The following VPS53 variants were observed in gnomAD, a reference collection of about 807,000 sequenced individuals.
The protein encoded by VPS53 is VPS53 subunit of GARP complex, also known as vacuolar protein sorting-associated protein 53 homolog.
Under a neutral mutation model 107.0 loss-of-function variants are expected in VPS53, and 70 were observed. That is an observed-to-expected ratio of 0.65 (90% CI 0.54 to 0.80). VPS53 has a LOEUF of 0.80. Among genes scored for constraint, VPS53 ranks in the 30% least tolerant of loss-of-function variants. The probability of loss-of-function intolerance (pLI) is 0.00; values close to 1 mark genes in which losing one functional copy is unlikely to be tolerated. For missense variants in VPS53, 917 were observed against 1,049.4 expected, an observed-to-expected ratio of 0.87 and a Z score of 1.74; for synonymous variants, 409 against 393.3, an observed-to-expected ratio of 1.04 and a Z score of -0.47.
chr17:557,199 C>T (rs892549883), intron 15 of VPS53, among the ~76,000 whole-genome samples: 1 of 152,192 alleles, frequency 6.6e-6, no homozygotes, highest in Admixed American at 6.5e-5. Flanking sequence ...TCTCTTCTAG[C>T]TTTGGGTGTT....
chr17:570,372 CAAAAA>C (rs57449097), intron 13 of VPS53, among the ~76,000 whole-genome samples: 11 of 90,448 alleles, frequency 1.2e-4, no homozygotes, highest in South Asian at 4.2e-4. Context: ...GACTCTGTCT[CAAAAA>C]AAAAAAAAAA....
At chr17:552,247 C>G (rs562097666) in intron 16 of VPS53, among the ~76,000 whole-genome samples, 2 of 152,202 alleles carry the variant, frequency 1.3e-5, no homozygotes, top group South Asian at 4.2e-4. Context: ...TAAGTCAGAA[C>G]TGAAGAAAAT....
chr17:560,365 G>A (rs542198038), intron 15 of VPS53, 61 bp downstream of exon 15: 4 of 1,548,222 alleles, frequency 2.6e-6, no homozygotes, highest in Non-Finnish European at 3.5e-6. Flanking sequence ...TACTCGCCGA[G>A]CGACGCAGCC....
chr17:601,874 G>A lies in VPS53; in HGVS notation c.1139C>T (p.Pro380Leu). 8.2e-6 allele frequency: 13 copies of A among 1,592,404 alleles called. No homozygotes were observed. Among genetic ancestry groups the A allele is most frequent in the Non-Finnish European group, 1.1e-5 (13 of 1,168,758 alleles). The stretch of plus-strand genomic sequence containing the variant: ...ATCTTCCAGGAAGGGATTGGTAGAT[G>A]GGGGTGGAGACTCAAGCTTTTTCTG... The part of the protein sequence containing the change: ...GTLKKLESPP[P>L]STNPFLEDEP... Residue 380 changes from proline (P) to leucine (L), a missense_variant, in exon 12 of 22, where the codon CCA becomes CTA. Pro to Leu is a moderately conservative substitution (Grantham distance 98). Coordinates refer to ENST00000437048, the MANE Select transcript of VPS53 (RefSeq NM_001128159.3).
intron 4 of VPS53, among the ~76,000 whole-genome samples, chr17:664,695 G>T (rs1198755867): frequency 5.3e-5 from 8 of 152,186 alleles, no homozygotes; most frequent in African/African-American, 1.9e-4. Flanking sequence ...GGGAAAGCGG[G>T]AGTGAAAGCT....
At chr17:553,760 G>C (rs561290549) in intron 15 of VPS53, among the ~76,000 whole-genome samples, 12 of 152,010 alleles carry the variant, frequency 7.9e-5, no homozygotes, top group African/African-American at 2.4e-4. Context: ...AGTAGAGATG[G>C]GGTTTCACCA....
chr17:531,773 CTTTTTTTTTT>C (rs71145747), intron 19 of VPS53, among the ~76,000 whole-genome samples: 6 of 86,686 alleles, frequency 6.9e-5, no homozygotes, highest in African/African-American at 1.0e-4. Context: ...GGGATTTATT[CTTTTTTTTTT>C]TTTTTTTTTT....
intron 4 of VPS53, among the ~76,000 whole-genome samples, chr17:678,285 G>A (rs1184910529): frequency 6.6e-6 from 1 of 151,614 alleles, no homozygotes; most frequent in East Asian, 2.0e-4. Context: ...AGCTGGACAT[G>A]GTGGCGGGCA....
chr17:709,110 C>T (rs1175570778), intron 2 of VPS53, among the ~76,000 whole-genome samples: 3 of 152,178 alleles, frequency 2.0e-5, no homozygotes, highest in African/African-American at 7.2e-5. Context: ...CAGAGAACTT[C>T]CCGTTAAGCC....
At chr17:689,386 C>T (rs749402357) in intron 4 of VPS53, among the ~76,000 whole-genome samples, 25 of 151,858 alleles carry the variant, frequency 1.6e-4, no homozygotes, top group Non-Finnish European at 1.8e-4. Context: ...TAACCTCAAA[C>T]CCCTGGGCTC....
intron 4 of VPS53, among the ~76,000 whole-genome samples, chr17:672,129 C>CACAA (rs2143707621): frequency 6.7e-6 from 1 of 148,510 alleles, no homozygotes; most frequent in East Asian, 2.0e-4. Flanking sequence ...CACACACACA[C>CACAA]ACACACACAC....
chr17:692,428 G>C (rs1015174318), intron 4 of VPS53, among the ~76,000 whole-genome samples: 4 of 152,138 alleles, frequency 2.6e-5, no homozygotes, highest in Non-Finnish European at 2.9e-5. Context: ...GGTTAGAAGA[G>C]GTCACAGACT....
chr17:591,678 G>A (rs1281271858), intron 12 of VPS53, among the ~76,000 whole-genome samples: 5 of 152,242 alleles, frequency 3.3e-5, no homozygotes, highest in Admixed American at 6.5e-5. Flanking sequence ...TTTCCATGTA[G>A]TTGAGCGGTT....
Position 519,073 on chromosome 17 carries a change from CTG to C in VPS53, c.*53_*54del. The C allele has an allele frequency of 2.1e-6, 3 of 1,452,002 alleles. No individual in the cohort carries two copies. The highest frequency in any genetic ancestry group is 5.6e-5 in the Admixed American group (2 of 35,656). The allele number at this position is 1,452,002 out of a possible 1,614,324, so 89.9% of individuals were successfully genotyped here. On this transcript the variant is annotated 3_prime_UTR_variant, in exon 22 of 22. Transcript: ENST00000437048. This position sits in a 1 kb window ranked among gnomAD's most constrained non-coding sequence, Gnocchi z 5.0. ...GGAGCACAGGAGAGGTTGGGGGCTT[CTG>C]GGGAACGGGCGCTGAGGGTCTCCAG...
intron 17 of VPS53, among the ~76,000 whole-genome samples, chr17:549,364 T>TAA (rs1359643254): frequency 6.6e-6 from 1 of 152,148 alleles, no homozygotes; most frequent in Non-Finnish European, 1.5e-5. Context: ...AGACAAAAAG[T>TAA]AATGGCCTCC....
chr17:678,466 AT>A (rs1344380997), intron 4 of VPS53, among the ~76,000 whole-genome samples: 1 of 151,454 alleles, frequency 6.6e-6, no homozygotes, highest in Admixed American at 6.6e-5. Flanking sequence ...AACAATAAAA[AT>A]TCTTTTTTAT....
chr17:666,096 G>A (rs1242010922), intron 4 of VPS53, among the ~76,000 whole-genome samples: 2 of 152,116 alleles, frequency 1.3e-5, no homozygotes, highest in Non-Finnish European at 2.9e-5. Context: ...GATAGGTTGG[G>A]ATTTAAATTC....
chr17:628,168 T>C lies in VPS53; in HGVS notation c.751A>G (p.Arg251Gly). 6.2e-7 allele frequency: 1 copy of C among 1,614,090 alleles called. No individual in the cohort carries two copies. The highest frequency in any genetic ancestry group is 8.5e-7 in the Non-Finnish European group (1 of 1,179,990). The change falls in exon 9 of 22, where the codon AGG (arginine) becomes GGG (glycine). Residue 251 changes from arginine to glycine, a missense_variant. Physicochemically the swap from Arg to Gly is moderately radical, Grantham distance 125. Transcript: ENST00000437048. ...ACLVANILDPRIKQEIIKKFI... is the reference protein window; with the variant it reads ...ACLVANILDPGIKQEIIKKFI... ...TTTTTGATGATTTCCTGTTTGATCC[T>C]GGGATCTAGAATATTAGCAACCAGA...
intron 13 of VPS53, among the ~76,000 whole-genome samples, chr17:572,116 G>A (rs1269992390): frequency 6.6e-5 from 10 of 151,534 alleles, no homozygotes; most frequent in African/African-American, 1.5e-4. Flanking sequence ...CTTCCCGGCC[G>A]CCATCCCATC....
Sources: allele counts gnomAD v4.1 joint callset (sites outside exome capture counted in the v4.1 genomes callset), GRCh38; gene constraint gnomAD v4.1.1; non-coding constraint Gnocchi (gnomAD v3.1); transcripts MANE v1.5; gene names NCBI Gene and HGNC (gene_info 2026-07-23, HGNC 2026-07-21).